SECISBP2: variants seen among roughly 807,000 people sequenced by gnomAD.
SECISBP2 encodes selenocysteine insertion sequence-binding protein 2.
In SECISBP2, 96 loss-of-function variants were observed where a neutral mutation model predicts 98.2. The observed-to-expected ratio is 0.98, with a 90% CI of 0.83 to 1.16. The LOEUF (loss-of-function observed/expected upper bound fraction) is 1.16. Ranked by LOEUF, SECISBP2 falls within the 50% of genes most tolerant of loss-of-function variation. The pLI is 0.00. For synonymous variants in SECISBP2, 407 were observed against 370.2 expected (o/e 1.10, Z -1.14); for missense variants, 1,046 against 1,022.9 (o/e 1.02, Z -0.31).
At position 89,355,892 on chromosome 9, in the gene SECISBP2, C is replaced by A. The variant is rs1831999094; in HGVS notation, c.2114-1519C>A. Among the ~76,000 whole-genome samples the A allele has an allele frequency of 2.0e-5, 3 of 152,326 alleles. No homozygotes were observed. The South Asian group carries it at 6.2e-4, about 32-fold the overall frequency. On this transcript the variant is annotated intron_variant, in intron 14 of 16. Coordinates refer to ENST00000375807, the MANE Select transcript of SECISBP2 (RefSeq NM_024077.5). The stretch of plus-strand genomic sequence containing the variant: ...AACTCCGGTTTTTTCTGGCGTCCAT[C>A]CTGTTAATCTGCATCACCTTGTTTA...
At position 89,325,640 on chromosome 9, in the gene SECISBP2, A is replaced by G. The variant is rs368643206; in HGVS notation, c.396A>G (p.Thr132=). ...FQTVKHRNEN[T]CPLPQEMKAL... is the part of the protein sequence containing the mutation. ...CAGTGAAGCATCGAAATGAGAACAC[A>G]TGCCCTCTCCCACAAGAAATGAAAG... Residue 132 remains threonine, a synonymous_variant, in exon 3 of 17, where the codon ACA becomes ACG. Transcript: ENST00000375807. 1.9e-5 allele frequency: 31 copies of G among 1,614,218 alleles called. No individual in the cohort carries two copies. In the East Asian group the frequency reaches 4.0e-4, roughly 21 times the overall value.
Position 89,338,408 on chromosome 9 carries a change from C to G in SECISBP2, c.1090-50C>G, listed in dbSNP as rs200498422. 12 of 1,606,844 alleles carry G rather than the reference C, an allele frequency of 7.5e-6. No individual in the cohort carries two copies. The African/African-American group carries it at 1.5e-4, about 20-fold the overall frequency. On this transcript the variant is annotated intron_variant, in intron 7 of 16. Coordinates refer to ENST00000375807, the MANE Select transcript of SECISBP2 (RefSeq NM_024077.5). ...TTGTTGATACATAGTATTAAACATT[C>G]TATTGACCGCCCTAAAAACAGGATT... is the stretch of plus-strand genomic sequence containing the variant.
chr9:89,340,478 A>G (rs1829490937), intron 9 of SECISBP2, among the ~76,000 whole-genome samples: 2 of 152,216 alleles, frequency 1.3e-5, no homozygotes, highest in Non-Finnish European at 2.9e-5. Context: ...ACTTGTAGAC[A>G]TTTATTTGCT....
At chr9:89,349,694 CGGTGAGACTGCATT>C (rs1322634173) in intron 12 of SECISBP2, 68 bp from the exon 13 acceptor site, 27 of 1,452,370 alleles carry the variant, frequency 1.9e-5, no homozygotes, top group Non-Finnish European at 2.3e-5. Context: ...CTGGTTGCAT[CGGTGAGACTGCATT>C]GGGCCAGCCC....
intron 10 of SECISBP2, among the ~76,000 whole-genome samples, chr9:89,346,094 A>G (rs1289005503): frequency 6.6e-6 from 1 of 152,236 alleles, no homozygotes; most frequent in Non-Finnish European, 1.5e-5. Context: ...TTGGAGAAAT[A>G]TTGATGATTG....
chr9:89,338,484 TGAA>T lies in SECISBP2; in HGVS notation c.1117_1119del (p.Glu373del). On this transcript the variant is annotated inframe_deletion, in exon 8 of 17. Coordinates refer to ENST00000375807, the MANE Select transcript of SECISBP2 (RefSeq NM_024077.5). ...CTAAAGCATCACAAGGTAGTGACCT[TGAA>T]CAAAATGAAGCCTCAAGAAAGAATA... The T allele has an allele frequency of 6.2e-7, 1 of 1,613,608 alleles. No homozygotes were observed. The highest frequency in any genetic ancestry group is 1.3e-5 in the African/African-American group (1 of 74,972).
At position 89,321,623 on chromosome 9, in the gene SECISBP2, G is replaced by A. The variant is rs776236421; in HGVS notation, c.182+1826G>A. ...GGAGGTTGCAGTGAGCCAAGACTGC[G>A]CCACTGCACTTCAGCCTGGGCAACA... On this transcript the variant is annotated intron_variant, in intron 2 of 16. Transcript: ENST00000375807. 4.0e-4 allele frequency among the ~76,000 whole-genome samples: 60 copies of A among 151,708 alleles called. 1 individual carries two copies. Among genetic ancestry groups the A allele is most frequent in the Admixed American group, 1.8e-3 (27 of 15,260 alleles).
intron 4 of SECISBP2, among the ~76,000 whole-genome samples, chr9:89,326,979 G>A (rs1200507127): frequency 6.6e-6 from 1 of 152,118 alleles, no homozygotes; most frequent in East Asian, 1.9e-4. Context: ...TGGCTAACAC[G>A]GTGAAACCCC....
At chr9:89,332,519 G>T in intron 5 of SECISBP2, 1 of 261,724 alleles carries the variant, frequency 3.8e-6, no homozygotes, top group Non-Finnish European at 7.4e-6. Context: ...TCTTTTTATT[G>T]TCTCCACAGT....
intron 7 of SECISBP2, among the ~76,000 whole-genome samples, chr9:89,335,571 C>T (rs113788985): frequency 0.14 from 20,760 of 152,054 alleles, 1,580 homozygotes; most frequent in South Asian, 0.27. Flanking sequence ...CCTCAGGTGA[C>T]CCATCCACCT....
At position 89,349,812 on chromosome 9, in the gene SECISBP2, C is replaced by T. The variant is rs187624831; in HGVS notation, c.1775C>T (p.Ser592Leu). The change falls in exon 13 of 17, where the codon TCG becomes TTG. Residue 592 changes from serine to leucine, a missense_variant. Transcript: ENST00000375807. ...ATGGACGAACTGATCTCCACTCCTT[C>T]GGTTGAGGACAAGTCTGAAGAGCCA... is the stretch of plus-strand genomic sequence containing the variant. ...EGMDELISTP[S>L]VEDKSEEPPG... 135 of 1,614,168 alleles carry T rather than the reference C, an allele frequency of 8.4e-5. No individual in the cohort carries two copies. The highest frequency in any genetic ancestry group is 4.0e-5 in the African/African-American group (3 of 75,022).
intron 10 of SECISBP2, among the ~76,000 whole-genome samples, chr9:89,343,185 T>C (rs1001143415): frequency 2.0e-5 from 3 of 152,230 alleles, no homozygotes; most frequent in Non-Finnish European, 4.4e-5. Flanking sequence ...CTCTTTCCTC[T>C]GACACATCTT....
At chr9:89,333,955 A>T in intron 6 of SECISBP2, 1 of 924,394 alleles carries the variant, frequency 1.1e-6, no homozygotes, top group Non-Finnish European at 1.3e-6. Context: ...CCTTGGGGGT[A>T]GCCACAGGCT....
At position 89,333,973 on chromosome 9, in the gene SECISBP2, G is replaced by A. The variant is rs958523090; in HGVS notation, c.881-549G>A. 14 of 1,007,676 alleles carry A rather than the reference G, an allele frequency of 1.4e-5. No homozygotes were observed. The African/African-American group carries it at 2.3e-4, about 16-fold the overall frequency. 62.4% of individuals were successfully genotyped at this position (1,007,676 alleles called of 1,614,324 possible). On this transcript the variant is annotated intron_variant, in intron 6 of 16. Coordinates refer to ENST00000375807, the MANE Select transcript of SECISBP2 (RefSeq NM_024077.5). ...TGGGGGTAGCCACAGGCTGCTGACA[G>A]GTGTTCACCTGCCTGTGTCCTGATA...
intron 8 of SECISBP2, among the ~76,000 whole-genome samples, chr9:89,338,905 CTTTAGGATGCTGGCTT>C (rs1340121821): frequency 2.1e-5 from 3 of 143,232 alleles, no homozygotes; most frequent in African/African-American, 5.2e-5. Flanking sequence ...TTTTTTCTTG[CTTTAGGATGCTGGCTT>C]TTGCAGGGCC....
chr9:89,341,215 T>C (rs1327742485), intron 9 of SECISBP2, 132 bp from the exon 10 acceptor site: 1 of 850,620 alleles, frequency 1.2e-6, no homozygotes, highest in Non-Finnish European at 1.8e-6. Context: ...TTTCCTTTCA[T>C]TACTTGAATT....
downstream of SECISBP2, chr9:89,363,812 T>C (rs1199735249): frequency 3.1e-6 from 5 of 1,614,072 alleles, 1 homozygote; most frequent in South Asian, 5.5e-5. Context: ...GCAGCGATAC[T>C]CAGCGCTTTC....
intron 4 of SECISBP2, among the ~76,000 whole-genome samples, chr9:89,327,885 A>G (rs900369742): frequency 1.3e-5 from 2 of 149,668 alleles, no homozygotes; most frequent in African/African-American, 4.9e-5. Flanking sequence ...ATTTTGGCTC[A>G]CTGCAACCTC....
intron 2 of SECISBP2, 29 bp downstream of exon 2, chr9:89,319,826 G>A (rs774692033): frequency 2.5e-5 from 40 of 1,611,432 alleles, no homozygotes; most frequent in Middle Eastern, 1.7e-4. Context: ...GTCTTACCTA[G>A]GGGCTTACAT....
Sources: gnomAD v4.1 joint callset for allele counts (sites outside exome capture counted in the v4.1 genomes callset) on GRCh38, gnomAD v4.1.1 for gene constraint, MANE v1.5 for transcripts, NCBI Gene and HGNC (gene_info 2026-07-23, HGNC 2026-07-21) for gene names.